PTPRN2: variants seen among roughly 807,000 people sequenced by gnomAD.
The protein encoded by PTPRN2 is receptor-type tyrosine-protein phosphatase N2.
Under a neutral mutation model 118.8 loss-of-function variants are expected in PTPRN2, and 74 were observed. The ratio of observed to expected loss-of-function variants is 0.62; its 90% CI spans 0.52 to 0.76. The LOEUF is 0.76. Among genes scored for constraint, PTPRN2 ranks in the 30% least tolerant of loss-of-function variants. The pLI is 0.00. For synonymous variants in PTPRN2, 641 were observed against 608.0 expected, an observed-to-expected ratio of 1.05 and a Z score of -0.80; for missense variants, 1,481 against 1,394.4, an observed-to-expected ratio of 1.06 and a Z score of -0.99.
intron 3 of PTPRN2, among the ~76,000 whole-genome samples, chr7:158,310,237 G>T (rs1433214180): frequency 6.6e-6 from 1 of 152,240 alleles, no homozygotes. Flanking sequence ...TGAGGTGTGT[G>T]CTGGAACAAG....
intron 12 of PTPRN2, among the ~76,000 whole-genome samples, chr7:157,789,756 GGGTATATGTGT>G (rs1175110370): frequency 6.8e-6 from 1 of 146,912 alleles, no homozygotes; most frequent in Non-Finnish European, 1.5e-5. Flanking sequence ...GGTGTGTGTG[GGGTATATGTGT>G]GGTGTGTGTG....
intron 3 of PTPRN2, among the ~76,000 whole-genome samples, chr7:158,281,716 C>T (rs977536118): frequency 8.5e-5 from 13 of 152,220 alleles, no homozygotes; most frequent in East Asian, 1.9e-4. Flanking sequence ...CCTCCTGCCA[C>T]GCCCCAAACC....
Position 158,133,787 on chromosome 7 carries a change from C to T in PTPRN2, c.1446G>A (p.Lys482=), listed in dbSNP as rs1563485498. ...CACCCGCTGGAAGGCTCTGCTCCTC[C>T]TTCGAGGGCCCAGGCATCTGGTTTT... ...ELQNQMPGPS[K]EEQSLPAGAQ... is the part of the protein sequence containing the mutation. The change falls in exon 9 of 23, where the codon AAG becomes AAA. Residue 482 remains lysine, a synonymous_variant. Coordinates refer to ENST00000389418, the MANE Select transcript of PTPRN2 (RefSeq NM_002847.5). 1 of 1,614,000 alleles carries T rather than the reference C, an allele frequency of 6.2e-7. No individual in the cohort carries two copies. The highest frequency in any genetic ancestry group is 1.7e-5 in the Admixed American group (1 of 60,036).
At chr7:158,384,119 C>T (rs1412389201) in intron 2 of PTPRN2, among the ~76,000 whole-genome samples, 1 of 152,206 alleles carries the variant, frequency 6.6e-6, no homozygotes, top group Non-Finnish European at 1.5e-5. Context: ...TTTGCGTGCA[C>T]CAACTGTATC....
intron 11 of PTPRN2, among the ~76,000 whole-genome samples, chr7:158,020,665 T>C: frequency 6.6e-6 from 1 of 152,200 alleles, no homozygotes; most frequent in Admixed American, 6.5e-5. Context: ...CTGACGTGGC[T>C]GTCTCAGCTC....
chr7:158,089,951 C>T lies in PTPRN2; in HGVS notation c.1644-8574G>A, dbSNP rs200445029. Among the ~76,000 whole-genome samples, 5 of 34,232 alleles carry T rather than the reference C, an allele frequency of 1.5e-4. 1 individual carries two copies. The highest frequency in any genetic ancestry group is 0.012 in the South Asian group (2 of 166). 22.5% of individuals were successfully genotyped at this position (34,232 alleles called of 152,430 possible). On this transcript the variant is annotated intron_variant, in intron 10 of 22. Transcript: ENST00000389418. The stretch of plus-strand genomic sequence containing the variant: ...GAGGGAGTCTTCACACAAACCCTTC[C>T]TCCCCTGACGAAAGAGGGAGTCTTC...
At chr7:158,075,289 G>A (rs1395663494) in intron 11 of PTPRN2, among the ~76,000 whole-genome samples, 1 of 152,158 alleles carries the variant, frequency 6.6e-6, no homozygotes, top group Non-Finnish European at 1.5e-5. Context: ...ACCGAAACTT[G>A]TTTACAACCT....
At chr7:158,063,910 A>G (rs1810558152) in intron 11 of PTPRN2, among the ~76,000 whole-genome samples, 1 of 152,172 alleles carries the variant, frequency 6.6e-6, no homozygotes, top group Admixed American at 6.5e-5. Context: ...TGACCATTCT[A>G]CACACTTACA....
At position 158,509,171 on chromosome 7, in the gene PTPRN2, C is replaced by T. The variant is rs766445600; in HGVS notation, c.113-19386G>A. Among the ~76,000 whole-genome samples the T allele has an allele frequency of 2.0e-5, 3 of 152,128 alleles. No individual in the cohort carries two copies. The highest frequency in any genetic ancestry group is 7.2e-5 in the African/African-American group (3 of 41,424). ...AGAGAGGCGCCACACACAGCCTCCACGCAGCCTCCACCCAGCAGGCGGGAC... is the reference window on the plus strand; with the variant it reads ...AGAGAGGCGCCACACACAGCCTCCATGCAGCCTCCACCCAGCAGGCGGGAC... On this transcript the variant is annotated intron_variant, in intron 1 of 22. Coordinates refer to ENST00000389418, the MANE Select transcript of PTPRN2 (RefSeq NM_002847.5). This position sits in a 1 kb window ranked among gnomAD's most constrained non-coding sequence, Gnocchi z 4.4.
intron 3 of PTPRN2, among the ~76,000 whole-genome samples, chr7:158,249,742 T>C (rs1796541834): frequency 6.6e-6 from 1 of 152,208 alleles, no homozygotes; most frequent in African/African-American, 2.4e-5. Context: ...GCAGAGGGCT[T>C]TATCTCAGCG....
rs969787224 is a variant in PTPRN2, at chr7:157,874,174, C to T, written c.1788+24499G>A. On this transcript the variant is annotated intron_variant, in intron 12 of 22. Coordinates refer to ENST00000389418, the MANE Select transcript of PTPRN2 (RefSeq NM_002847.5). The surrounding 1 kb of genome is among the most constrained non-coding windows in gnomAD (Gnocchi z 5.8). ...CCTTGTCCTGCGGAAGGTGCTGAAG[C>T]GGCCCTCAGTCTGCCTCTGGCCTCC... is the stretch of plus-strand genomic sequence containing the variant. Among the ~76,000 whole-genome samples the T allele has an allele frequency of 2.0e-5, 3 of 152,170 alleles. No individual in the cohort carries two copies. The highest frequency in any genetic ancestry group is 4.8e-5 in the African/African-American group (2 of 41,442).
chr7:158,185,278 G>A (rs1411340728), intron 5 of PTPRN2, among the ~76,000 whole-genome samples: 1 of 152,096 alleles, frequency 6.6e-6, no homozygotes, highest in African/African-American at 2.4e-5. Flanking sequence ...ATTTGATCTA[G>A]TTTGGGAAAT....
intron 10 of PTPRN2, among the ~76,000 whole-genome samples, chr7:158,085,149 ACCCTCGACG>A (rs1563411881): frequency 1.2e-4 from 14 of 119,222 alleles, no homozygotes; most frequent in African/African-American, 4.7e-4. Context: ...ACCCATCCAC[ACCCTCGACG>A]CCCATCCAGA....
chr7:158,115,326 G>A (rs980519847), intron 9 of PTPRN2, among the ~76,000 whole-genome samples: 2 of 152,148 alleles, frequency 1.3e-5, no homozygotes, highest in African/African-American at 4.8e-5. Flanking sequence ...TGGTAATGGT[G>A]ACTGAAGTGG....
intron 13 of PTPRN2, among the ~76,000 whole-genome samples, chr7:157,670,911 GT>G (rs1009793427): frequency 6.6e-6 from 1 of 152,018 alleles, no homozygotes; most frequent in African/African-American, 2.4e-5. Context: ...ACGGGCAGCT[GT>G]TTTTTTTACA....
chr7:157,929,955 C>A lies in PTPRN2; in HGVS notation c.1724-31218G>T, dbSNP rs1799264111. Among the ~76,000 whole-genome samples the A allele has an allele frequency of 2.0e-5, 3 of 152,184 alleles. No individual in the cohort carries two copies. The highest frequency in any genetic ancestry group is 1.3e-4 in the Admixed American group (2 of 15,282). Reference sequence around the variant, plus strand: ...TTCAGTCCACATCAGCGGGTCCAAGCCTGGACCTAGACACCCGTCCCAGCT... The same window carrying A: ...TTCAGTCCACATCAGCGGGTCCAAGACTGGACCTAGACACCCGTCCCAGCT... On this transcript the variant is annotated intron_variant, in intron 11 of 22. Coordinates refer to ENST00000389418, the MANE Select transcript of PTPRN2 (RefSeq NM_002847.5). This position sits in a 1 kb window ranked among gnomAD's most constrained non-coding sequence, Gnocchi z 4.4.
intron 11 of PTPRN2, among the ~76,000 whole-genome samples, chr7:157,965,158 C>T (rs1223167044): frequency 6.6e-6 from 1 of 152,196 alleles, no homozygotes; most frequent in Non-Finnish European, 1.5e-5. Flanking sequence ...AGGGAGCTAG[C>T]ACTCTTTGAG....
chr7:157,594,696 CA>C (rs1177845583), intron 17 of PTPRN2, among the ~76,000 whole-genome samples: 1 of 152,214 alleles, frequency 6.6e-6, no homozygotes, highest in Non-Finnish European at 1.5e-5. Context: ...GACCCGGGGG[CA>C]GCTGGAGAAG....
chr7:158,020,670 C>T (rs897344104), intron 11 of PTPRN2, among the ~76,000 whole-genome samples: 4 of 152,314 alleles, frequency 2.6e-5, no homozygotes, highest in Admixed American at 6.5e-5. Context: ...GTGGCTGTCT[C>T]AGCTCCCAAA....
Sources: gnomAD v4.1 joint callset for allele counts (sites outside exome capture counted in the v4.1 genomes callset) on GRCh38, gnomAD v4.1.1 for gene constraint, Gnocchi (gnomAD v3.1) non-coding constraint, MANE v1.5 for transcripts, NCBI Gene and HGNC (gene_info 2026-07-23, HGNC 2026-07-21) for gene names.